PROSER1: variants seen among roughly 807,000 people sequenced by gnomAD.
PROSER1 encodes proline and serine-rich protein 1.
PROSER1 carries 36 observed loss-of-function variants against 71.8 expected under a neutral mutation model. That is an observed-to-expected ratio of 0.50 (90% confidence interval 0.38 to 0.66). The LOEUF (loss-of-function observed/expected upper bound fraction) is 0.66. Ranked by LOEUF, PROSER1 falls within the 30% of genes least tolerant of loss-of-function variation. The pLI is 0.00. For missense variants in PROSER1, 1,107 were observed against 1,135.0 expected, an observed-to-expected ratio of 0.98 and a Z score of 0.35; for synonymous variants, 490 against 452.4, an observed-to-expected ratio of 1.08 and a Z score of -1.06.
At position 39,037,079 on chromosome 13, in the gene PROSER1, C is replaced by G. The variant is rs1481639786; in HGVS notation, c.45+119G>C. 22 of 737,084 alleles carry G rather than the reference C, an allele frequency of 3.0e-5. No individual in the cohort carries two copies. The East Asian group carries it at 5.8e-4, about 19-fold the overall frequency. 45.7% of individuals were successfully genotyped at this position (737,084 alleles called of 1,614,324 possible). On this transcript the variant is annotated intron_variant, in intron 1 of 12. Transcript: ENST00000352251. ...AACTCCTCCATTACACGTGAAAATT[C>G]AAACCAATTTGGCAATCCTAGGACC...
At chr13:39,029,246 G>C in intron 4 of PROSER1, 35 bp downstream of exon 4, 2 of 580,310 alleles carry the variant, frequency 3.4e-6, no homozygotes, top group African/African-American at 9.7e-5. Context: ...TTTTTCCCAA[G>C]TAAAAAAAAA....
intron 7 of PROSER1, 169 bp from the exon 8 acceptor site, chr13:39,023,299 G>A (rs1870389725): frequency 1.8e-6 from 1 of 549,244 alleles, no homozygotes; most frequent in African/African-American, 1.9e-5. Context: ...TTTAATAAAT[G>A]TGGTTGCTAT....
In PROSER1 at chr13:39,028,325, C is replaced by T; in HGVS notation, c.276-5G>A. ...TTCTGTGCATCAATAATGTTCCTAC[C>T]AAGAAAACACAATTTAGCTTTTTGT... On this transcript the variant is annotated splice_polypyrimidine_tract_variant and splice_region_variant and intron_variant, in intron 4 of 12. Transcript: ENST00000352251. 1 of 1,522,098 alleles carries T rather than the reference C, an allele frequency of 6.6e-7. No homozygotes were observed. The highest frequency in any genetic ancestry group is 1.4e-5 in the African/African-American group (1 of 72,994). The allele number at this position is 1,522,098 out of a possible 1,614,324, so 94.3% of individuals were successfully genotyped here.
At position 39,013,505 on chromosome 13, in the gene PROSER1, G is replaced by C. The variant is rs201086093; in HGVS notation, c.1747C>G (p.Arg583Gly). The C allele has an allele frequency of 1.9e-6, 3 of 1,614,034 alleles. No homozygotes were observed. The highest frequency in any genetic ancestry group is 2.5e-6 in the Non-Finnish European group (3 of 1,179,996). ...VSCGSSASLLRGPHPGTSDLH... is the reference protein window; with the variant it reads ...VSCGSSASLLGGPHPGTSDLH... Reference sequence around the variant, plus strand: ...TCTGAGGTACCTGGGTGGGGGCCACGCAAAAGGGAGGCTGAGGAGCCACAG... The same window carrying C: ...TCTGAGGTACCTGGGTGGGGGCCACCCAAAAGGGAGGCTGAGGAGCCACAG... The change falls in exon 11 of 13, where the codon CGT becomes GGT. Residue 583 changes from arginine (R) to glycine (G), a missense_variant. Physicochemically the swap from Arg to Gly is moderately radical, Grantham distance 125. Coordinates refer to ENST00000352251, the MANE Select transcript of PROSER1 (RefSeq NM_025138.5).
At chr13:39,036,151 G>C (rs1871088646) in intron 1 of PROSER1, among the ~76,000 whole-genome samples, 1 of 152,086 alleles carries the variant, frequency 6.6e-6, no homozygotes, top group South Asian at 2.1e-4. Flanking sequence ...CAAATTTCTA[G>C]GCATATAATT....
At chr13:39,018,473 G>GACAC (rs56659534) in intron 9 of PROSER1, among the ~76,000 whole-genome samples, 3,565 of 120,142 alleles carry the variant, frequency 0.03, 64 homozygotes, top group Middle Eastern at 0.076. Flanking sequence ...TTTAAAACCC[G>GACAC]ACACACACAC....
chr13:39,033,991 G>C, intron 2 of PROSER1, 140 bp downstream of exon 2: 1 of 569,446 alleles, frequency 1.8e-6, no homozygotes. Context: ...AGAGTTTTCT[G>C]CCAAAACTGA....
chr13:39,032,854 C>T (rs776882589), intron 2 of PROSER1, among the ~76,000 whole-genome samples: 1 of 151,378 alleles, frequency 6.6e-6, no homozygotes, highest in Non-Finnish European at 1.5e-5. Context: ...AAGGGTGGTA[C>T]ATCACATACA....
chr13:39,010,268 G>T lies in PROSER1; in HGVS notation c.*1097C>A, dbSNP rs1266872629. On this transcript the variant is annotated 3_prime_UTR_variant, in exon 13 of 13. Coordinates refer to ENST00000352251, the MANE Select transcript of PROSER1 (RefSeq NM_025138.5). ...TAAAATACATTAGCAACATCTTCCG[G>T]ACACCATCTTTATAAAAGTAAAACT... The T allele has an allele frequency of 6.6e-6, 1 of 152,456 alleles. No individual in the cohort carries two copies. The highest frequency in any genetic ancestry group is 1.5e-5 in the Non-Finnish European group (1 of 68,000). 9.4% of individuals were successfully genotyped at this position (152,456 alleles called of 1,614,324 possible). A position where few individuals can be genotyped will look rare whatever the true frequency, so the allele number is the denominator to read the frequency against.
At chr13:39,022,633 C>CA in intron 8 of PROSER1, 1 of 496,620 alleles carries the variant, frequency 2.0e-6, no homozygotes. Context: ...ACTGCATGCT[C>CA]ATTGCAGGGA....
intron 4 of PROSER1, 120 bp from the exon 5 acceptor site, chr13:39,028,440 T>G: frequency 8.0e-6 from 4 of 497,342 alleles, no homozygotes; most frequent in Non-Finnish European, 1.4e-5. Context: ...GGGAGAAAAG[T>G]GTGACTATTT....
In PROSER1 at chr13:39,036,874, G is replaced by A. The variant is rs1359515721; in HGVS notation, c.45+324C>T. The stretch of plus-strand genomic sequence containing the variant: ...CACTCTTGTGTTACTGAAAGATGAG[G>A]CAATAAACTCAAAAATATTAAACCC... On this transcript the variant is annotated intron_variant, in intron 1 of 12. Coordinates refer to ENST00000352251, the MANE Select transcript of PROSER1 (RefSeq NM_025138.5). Among the ~76,000 whole-genome samples, 3 of 152,066 alleles carry A rather than the reference G, an allele frequency of 2.0e-5. No individual in the cohort carries two copies. In the South Asian group the frequency reaches 6.2e-4, roughly 32 times the overall value.
chr13:39,014,577 C>T, intron 10 of PROSER1, 101 bp from the exon 11 acceptor site: 1 of 846,860 alleles, frequency 1.2e-6, no homozygotes, highest in Non-Finnish European at 1.8e-6. Context: ...TAACAAATAC[C>T]AAATAAAAAA....
In PROSER1 at chr13:39,013,435, A is replaced by T. The variant is rs202015661; in HGVS notation, c.1817T>A (p.Met606Lys). The T allele has an allele frequency of 6.2e-6, 10 of 1,614,152 alleles. No homozygotes were observed. In the East Asian group the frequency reaches 2.2e-4, roughly 36 times the overall value. The change falls in exon 11 of 13, where the codon ATG (methionine) becomes AAG (lysine). Residue 606 changes from methionine (M) to lysine (K), a missense_variant. Met to Lys is a moderately conservative substitution (Grantham distance 95). Coordinates refer to ENST00000352251, the MANE Select transcript of PROSER1 (RefSeq NM_025138.5). ...AGGACTTGTGGGCTCAGTTTTGATC[A>T]TAACAGGAAGAGTTGTTGCAGCAGG... ...STPAATTLPV[M>K]IKTEPTSPTP...
chr13:39,034,209 AACACAC>A lies in PROSER1; in HGVS notation c.46-19_46-14del. 6.5e-7 allele frequency: 1 copy of A among 1,549,386 alleles called. No individual in the cohort carries two copies. The stretch of plus-strand genomic sequence containing the variant: ...CTGTCAAAACAGCCTAAAAAAAAAA[AACACAC>A]ACACACAGAGTAAAACAGCATTAAT... On this transcript the variant is annotated splice_polypyrimidine_tract_variant and intron_variant, in intron 1 of 12. Coordinates refer to ENST00000352251, the MANE Select transcript of PROSER1 (RefSeq NM_025138.5).
At chr13:39,021,399 A>C (rs910157133) in intron 9 of PROSER1, among the ~76,000 whole-genome samples, 1 of 152,224 alleles carries the variant, frequency 6.6e-6, no homozygotes, top group East Asian at 1.9e-4. Flanking sequence ...GCTCTCTTCA[A>C]TCTGGCACTT....
Position 39,013,296 on chromosome 13 carries a change from T to TA in PROSER1, c.1955dup (p.Leu652PhefsTer6), listed in dbSNP as rs1365397619. The TA allele has an allele frequency of 6.2e-7, 1 of 1,614,148 alleles. No individual in the cohort carries two copies. ...ACAATGCAGGATTAAGGCAAGCAGA[T>TA]AAACTGATGGGCACGGATGTTGAAG... is the stretch of plus-strand genomic sequence containing the variant. On this transcript the variant is annotated frameshift_variant, in exon 11 of 13. Transcript: ENST00000352251. LOFTEE classifies it high-confidence loss of function.
At position 39,024,496 on chromosome 13, in the gene PROSER1, G is replaced by C. The variant is rs1259970968; in HGVS notation, c.541C>G (p.Arg181Gly). ...CTNEGKGIAA[R>G]ILGPSKPPPS... is the part of the protein sequence containing the mutation. ...ACTGGTTTGGATGGCCCAAGAATTC[G>C]TGCAGCTATTCCTTTGCCTTCGTTA... Residue 181 changes from arginine to glycine, a missense_variant, in exon 7 of 13, where the codon CGA becomes GGA. Transcript: ENST00000352251. The C allele has an allele frequency of 1.9e-6, 3 of 1,609,328 alleles. No individual in the cohort carries two copies.
intron 3 of PROSER1, among the ~76,000 whole-genome samples, chr13:39,029,905 A>C (rs1870755524): frequency 6.6e-6 from 1 of 152,212 alleles, no homozygotes; most frequent in African/African-American, 2.4e-5. Flanking sequence ...TTTTAATTTA[A>C]TGTGCATTGT....
Sources: allele counts gnomAD v4.1 joint callset (sites outside exome capture counted in the v4.1 genomes callset), GRCh38; gene constraint gnomAD v4.1.1; transcripts MANE v1.5; gene names NCBI Gene and HGNC (gene_info 2026-07-23, HGNC 2026-07-21).